The following PKD1L1 variants were observed in gnomAD, a reference collection of about 807,000 sequenced individuals.
PKD1L1 encodes the protein polycystin-1-like protein 1.
In PKD1L1, 236 loss-of-function variants were observed where a neutral mutation model predicts 323.4. That is an observed-to-expected ratio of 0.73 (90% CI 0.66 to 0.81). The LOEUF is 0.81. Among genes scored for constraint, PKD1L1 ranks in the 40% least tolerant of loss-of-function variants. PKD1L1 has a pLI of 0.00. For missense variants in PKD1L1, 3,320 were observed against 3,508.0 expected (o/e 0.95, Z 1.35); for synonymous variants, 1,344 against 1,335.0 (o/e 1.01, Z -0.15).
chr7:47,810,246 G>A (rs906042406), intron 50 of PKD1L1, among the ~76,000 whole-genome samples: 2 of 152,190 alleles, frequency 1.3e-5, no homozygotes, highest in Non-Finnish European at 2.9e-5. Flanking sequence ...TCAAAGCAGG[G>A]TTCACTTTTG....
Position 47,931,113 on chromosome 7 carries a change from G to A in PKD1L1, c.728C>T (p.Ser243Phe), listed in dbSNP as rs1395258606. 4 of 1,613,924 alleles carry A rather than the reference G, an allele frequency of 2.5e-6. No individual in the cohort carries two copies. Among genetic ancestry groups the A allele is most frequent in the Non-Finnish European group, 2.5e-6 (3 of 1,179,866 alleles). Residue 243 changes from serine (S) to phenylalanine (F), a missense_variant, in exon 6 of 57, where the codon TCT becomes TTT. Coordinates refer to ENST00000289672, the MANE Select transcript of PKD1L1 (RefSeq NM_138295.5). ...PLWPISHFPT[S>F]PRSSHGLPPG... ...ACCTCCTTCACCGTACCTTCTGGGA[G>A]AAGTGGGAAAATGTGAAATCGGCCA...
At chr7:47,924,185 C>T (rs1449908477) in intron 7 of PKD1L1, among the ~76,000 whole-genome samples, 1 of 152,038 alleles carries the variant, frequency 6.6e-6, no homozygotes, top group African/African-American at 2.4e-5. Flanking sequence ...ACCTGTCTCC[C>T]CCAGAATTTG....
chr7:47,910,710 T>G (rs1412905295), intron 8 of PKD1L1, among the ~76,000 whole-genome samples: 2 of 150,456 alleles, frequency 1.3e-5, no homozygotes, highest in Non-Finnish European at 3.0e-5. Context: ...CAGGCTAGAG[T>G]GCAGTGGCAT....
intron 6 of PKD1L1, 127 bp from the exon 7 acceptor site, chr7:47,929,653 C>A: frequency 1.2e-6 from 1 of 827,574 alleles, no homozygotes. Flanking sequence ...TGATGAAAGG[C>A]TTCACTTCCA....
chr7:47,836,908 C>T lies in PKD1L1; in HGVS notation c.5943+13G>A, dbSNP rs745931803. 8 of 1,610,600 alleles carry T rather than the reference C, an allele frequency of 5.0e-6. No individual in the cohort carries two copies. Among genetic ancestry groups the T allele is most frequent in the East Asian group, 2.2e-5 (1 of 44,808 alleles). On this transcript the variant is annotated intron_variant, in intron 37 of 56. Transcript: ENST00000289672. ...ATCTGGAAGCTGCTATAAGGAAAAG[C>T]GATGGCTCTCACCTGCTCTTGCCCT...
chr7:47,783,907 C>T (rs1786751040), intron 56 of PKD1L1, among the ~76,000 whole-genome samples: 1 of 152,122 alleles, frequency 6.6e-6, no homozygotes, highest in Non-Finnish European at 1.5e-5. Context: ...AAATAGAAAC[C>T]TCAAAAAGAA....
chr7:47,909,285 C>T (rs34439423), intron 8 of PKD1L1, among the ~76,000 whole-genome samples: 16,983 of 152,112 alleles, frequency 0.11, 1,106 homozygotes, highest in East Asian at 0.25. Context: ...GTACCTGAGC[C>T]CTTCCCTCTC....
At position 47,940,239 on chromosome 7, in the gene PKD1L1, T is replaced by C; in HGVS notation, c.239A>G (p.Glu80Gly). 1 of 1,614,158 alleles carries C rather than the reference T, an allele frequency of 6.2e-7. No homozygotes were observed. The highest frequency in any genetic ancestry group is 8.5e-7 in the Non-Finnish European group (1 of 1,180,024). Residue 80 changes from glutamate to glycine, a missense_variant, in exon 3 of 57, where the codon GAA becomes GGA. Glu to Gly is a moderately conservative substitution (Grantham distance 98). Coordinates refer to ENST00000289672, the MANE Select transcript of PKD1L1 (RefSeq NM_138295.5). ...CPWCALNGKA[E>G]DRESQSPSSS... ...GGATGGGCTCTGTGATTCCCGGTCT[T>C]CTGCCTTTCCATTCAGAGCACACCA... is the stretch of plus-strand genomic sequence containing the variant.
In PKD1L1 at chr7:47,923,908, C is replaced by T. The variant is rs1000663583; in HGVS notation, c.1060+5296G>A. Among the ~76,000 whole-genome samples, 4 of 151,842 alleles carry T rather than the reference C, an allele frequency of 2.6e-5. No individual in the cohort carries two copies. In the East Asian group the frequency reaches 7.7e-4, roughly 29 times the overall value. On this transcript the variant is annotated intron_variant, in intron 7 of 56. Coordinates refer to ENST00000289672, the MANE Select transcript of PKD1L1 (RefSeq NM_138295.5). Reference sequence around the variant, plus strand: ...AAGAAAAAAGTTATAAAATCAGCTTCACAGATGCTGGAGAGAATTTAACAA... The same window carrying T: ...AAGAAAAAAGTTATAAAATCAGCTTTACAGATGCTGGAGAGAATTTAACAA...
At chr7:47,800,052 G>A (rs1391937446) in intron 54 of PKD1L1, among the ~76,000 whole-genome samples, 3 of 152,220 alleles carry the variant, frequency 2.0e-5, no homozygotes, top group South Asian at 2.1e-4. Context: ...AAACTTAACT[G>A]TAACTGGGTT....
chr7:47,812,991 C>CA, intron 49 of PKD1L1, 130 bp downstream of exon 49: 1 of 1,084,356 alleles, frequency 9.2e-7, no homozygotes. Context: ...GAGCCCCTGG[C>CA]AGTGGTGCGC....
At chr7:47,822,095 A>G (rs1785153892) in intron 45 of PKD1L1, among the ~76,000 whole-genome samples, 1 of 152,150 alleles carries the variant, frequency 6.6e-6, no homozygotes, top group Non-Finnish European at 1.5e-5. Flanking sequence ...TGTGTTCTCT[A>G]TTCTGTTCCA....
At position 47,908,176 on chromosome 7, in the gene PKD1L1, C is replaced by A. The variant is rs1261273817; in HGVS notation, c.1303G>T (p.Val435Leu). 2 of 1,614,188 alleles carry A rather than the reference C, an allele frequency of 1.2e-6. No homozygotes were observed. Among genetic ancestry groups the A allele is most frequent in the East Asian group, 2.2e-5 (1 of 44,890 alleles). Residue 435 changes from valine to leucine, a missense_variant, in exon 9 of 57, where the codon GTG (valine) becomes TTG (leucine). Physicochemically the swap from Val to Leu is conservative, Grantham distance 32. Transcript: ENST00000289672. Reference protein sequence around the residue: ...GTEVELGPYYVEIGHEAVSAF... With the variant: ...GTEVELGPYYLEIGHEAVSAF... ...GACACGGCCTCATGGCCAATCTCCA[C>A]ATAATAAGGCCCAAGCTCCACTTCG...
At chr7:47,849,119 T>C (rs929798235) in intron 31 of PKD1L1, among the ~76,000 whole-genome samples, 3 of 152,192 alleles carry the variant, frequency 2.0e-5, no homozygotes, top group Admixed American at 6.5e-5. Flanking sequence ...ATTCAACAAA[T>C]GGTGCTGGGA....
intron 26 of PKD1L1, among the ~76,000 whole-genome samples, chr7:47,862,215 A>G (rs1011930162): frequency 6.6e-6 from 1 of 152,038 alleles, no homozygotes; most frequent in Non-Finnish European, 1.5e-5. Flanking sequence ...GAGCAATTGG[A>G]TTGTGTCCTC....
rs754299329 is a variant in PKD1L1, at chr7:47,809,472, C to A, written c.7686+1G>T. Reference sequence around the variant, plus strand: ...AAAGAAAATGACACAAGAGAGGCTACCTCCAGCCAGTTCCTTGGCTTTCGC... The same window carrying A: ...AAAGAAAATGACACAAGAGAGGCTAACTCCAGCCAGTTCCTTGGCTTTCGC... On this transcript the variant is annotated splice_donor_variant, in intron 51 of 56. Coordinates refer to ENST00000289672, the MANE Select transcript of PKD1L1 (RefSeq NM_138295.5). LOFTEE classifies it high-confidence loss of function. The A allele has an allele frequency of 5.7e-6, 9 of 1,581,670 alleles. No individual in the cohort carries two copies. Among genetic ancestry groups the A allele is most frequent in the Non-Finnish European group, 2.6e-6 (3 of 1,159,386 alleles).
Position 47,858,905 on chromosome 7 carries a change from GT to G in PKD1L1, c.4150-21del. ...GCCTAGCTGCATGAACAGAAAAGAT[GT>G]AAATAAAATGCCTGGCCTTGAGCAA... On this transcript the variant is annotated intron_variant, in intron 26 of 56. Coordinates refer to ENST00000289672, the MANE Select transcript of PKD1L1 (RefSeq NM_138295.5). 1.2e-6 allele frequency: 2 copies of G among 1,607,224 alleles called. No homozygotes were observed. Among genetic ancestry groups the G allele is most frequent in the South Asian group, 2.2e-5 (2 of 90,790 alleles).
At chr7:47,835,943 C>T (rs1317052851) in intron 37 of PKD1L1, among the ~76,000 whole-genome samples, 1 of 152,156 alleles carries the variant, frequency 6.6e-6, no homozygotes, top group African/African-American at 2.4e-5. Flanking sequence ...GGAATCATGG[C>T]TACAATCCAG....
At chr7:47,795,669 T>C (rs1289780894) in intron 55 of PKD1L1, among the ~76,000 whole-genome samples, 2 of 152,138 alleles carry the variant, frequency 1.3e-5, no homozygotes, top group African/African-American at 2.4e-5. Flanking sequence ...CAAAAGCAAA[T>C]GACTAACTCA....
Sources: allele counts gnomAD v4.1 joint callset (sites outside exome capture counted in the v4.1 genomes callset), GRCh38; gene constraint gnomAD v4.1.1; transcripts MANE v1.5; gene names NCBI Gene and HGNC (gene_info 2026-07-23, HGNC 2026-07-21).